GLIS3: variants seen among roughly 807,000 people sequenced by gnomAD.
GLIS3 encodes the protein GLIS family zinc finger 3, also known as zinc finger protein GLIS3.
GLIS3 carries 53 observed loss-of-function variants against 78.6 expected under a neutral mutation model. The observed-to-expected ratio is 0.67, with a 90% CI of 0.54 to 0.85. The LOEUF (loss-of-function observed/expected upper bound fraction) is 0.85, where lower values mean the gene tolerates loss of function less well. GLIS3 is among the 40% of genes least tolerant of loss of function. GLIS3 has a pLI of 0.00. For synonymous variants in GLIS3, 684 were observed against 509.9 expected (o/e 1.34, Z -4.60); for missense variants, 1,703 against 1,231.1 (o/e 1.38, Z -5.74).
rs569160538 is a variant in GLIS3 at position 4,059,524 on chromosome 9, A to ATT, written c.1710+58242_1710+58243dup. Reference sequence around the variant, plus strand: ...CACAAATACCTTAGAGAGAAGTACTATTGGCTTTTCTAGCCTATTCTTGGC... The same window carrying ATT: ...CACAAATACCTTAGAGAGAAGTACTATTTTGGCTTTTCTAGCCTATTCTTGGC... On this transcript the variant is annotated intron_variant, in intron 4 of 10. Coordinates refer to ENST00000381971, the MANE Select transcript of GLIS3 (RefSeq NM_001042413.2). Among the ~76,000 whole-genome samples, 200 of 152,262 alleles carry ATT rather than the reference A, an allele frequency of 1.3e-3. 1 individual carries two copies. Among genetic ancestry groups the ATT allele is most frequent in the African/African-American group, 4.4e-3 (183 of 41,556 alleles).
chr9:4,475,246 T>C, the GLIS3 span, among the ~76,000 whole-genome samples: 2 of 152,108 alleles, frequency 1.3e-5, no homozygotes, highest in African/African-American at 2.4e-5. Context: ...AGGGCTCACA[T>C]AGAGGAAAGA....
At chr9:3,870,658 C>G (rs1318404368) in intron 8 of GLIS3, among the ~76,000 whole-genome samples, 5 of 152,232 alleles carry the variant, frequency 3.3e-5, no homozygotes, top group Non-Finnish European at 7.3e-5. Context: ...GAGACTTATT[C>G]ACTACCATGA....
chr9:4,403,219 C>T, the GLIS3 span, among the ~76,000 whole-genome samples: 1 of 152,134 alleles, frequency 6.6e-6, no homozygotes, highest in Non-Finnish European at 1.5e-5. Flanking sequence ...TGAAAATACC[C>T]TTCAAGCAGT....
intron 4 of GLIS3, among the ~76,000 whole-genome samples, chr9:4,104,518 A>G (rs1181619241): frequency 6.6e-6 from 1 of 152,118 alleles, no homozygotes; most frequent in African/African-American, 2.4e-5. Context: ...CCTTCAATCT[A>G]TTCTCCACAT....
chr9:4,329,256 C>G (rs1041573578), intron 2 of GLIS3, among the ~76,000 whole-genome samples: 2 of 152,154 alleles, frequency 1.3e-5, no homozygotes, highest in African/African-American at 4.8e-5. Flanking sequence ...TGTTGACCAG[C>G]TAGGGGAAAC....
At chr9:3,932,727 A>G (rs1825693298) in intron 5 of GLIS3, 1 of 451,038 alleles carries the variant, frequency 2.2e-6, no homozygotes. Flanking sequence ...TGTGTGCTCT[A>G]ACCACAAAAC....
intron 6 of GLIS3, among the ~76,000 whole-genome samples, chr9:3,905,774 C>T (rs1349041657): frequency 1.3e-5 from 2 of 152,110 alleles, no homozygotes; most frequent in South Asian, 2.1e-4. Context: ...GACAGGATAC[C>T]TCCCTTTACT....
At chr9:4,388,584 G>A in the GLIS3 span, among the ~76,000 whole-genome samples, 2 of 152,154 alleles carry the variant, frequency 1.3e-5, no homozygotes, top group Non-Finnish European at 2.9e-5. Flanking sequence ...GCTGAGGCAG[G>A]AGAATGGCTT....
chr9:4,178,925 T>A (rs1817038202), intron 2 of GLIS3, among the ~76,000 whole-genome samples: 1 of 152,222 alleles, frequency 6.6e-6, no homozygotes, highest in African/African-American at 2.4e-5. Context: ...TTATTTGGGT[T>A]TTATTTTACA....
intron 2 of GLIS3, among the ~76,000 whole-genome samples, chr9:4,236,297 G>A (rs1331008170): frequency 1.3e-5 from 2 of 151,728 alleles, no homozygotes; most frequent in Non-Finnish European, 2.9e-5. Context: ...ATGATCTCAT[G>A]CCCTAAACAT....
intron 4 of GLIS3, among the ~76,000 whole-genome samples, chr9:4,079,888 A>C (rs1481193761): frequency 6.6e-6 from 1 of 152,146 alleles, no homozygotes; most frequent in South Asian, 2.1e-4. Flanking sequence ...CTCAAAATTT[A>C]AAAAAAAGGG....
At chr9:4,212,534 AG>A (rs1390730950) in intron 2 of GLIS3, among the ~76,000 whole-genome samples, 8 of 152,318 alleles carry the variant, frequency 5.3e-5, no homozygotes, top group African/African-American at 1.9e-4. Flanking sequence ...GTGCTACAAC[AG>A]GGGCAGGGAT....
chr9:4,167,251 G>C (rs1488254713), intron 2 of GLIS3, among the ~76,000 whole-genome samples: 1 of 152,136 alleles, frequency 6.6e-6, no homozygotes, highest in Non-Finnish European at 1.5e-5. Context: ...GTATTTCGTT[G>C]GTCAAATTCC....
At chr9:4,234,047 C>A (rs1822501235) in intron 2 of GLIS3, among the ~76,000 whole-genome samples, 1 of 152,198 alleles carries the variant, frequency 6.6e-6, no homozygotes, top group South Asian at 2.1e-4. Flanking sequence ...AGGGCTTAAT[C>A]TGGATTAGGC....
chr9:4,442,788 A>C, the GLIS3 span, among the ~76,000 whole-genome samples: 1 of 152,106 alleles, frequency 6.6e-6, no homozygotes, highest in Non-Finnish European at 1.5e-5. Context: ...GCTTATTTTA[A>C]ACTGAATGGA....
At chr9:4,336,735 C>G (rs1259411751) in intron 2 of GLIS3, among the ~76,000 whole-genome samples, 1 of 152,194 alleles carries the variant, frequency 6.6e-6, no homozygotes, top group Non-Finnish European at 1.5e-5. Flanking sequence ...TGCTCCAGAG[C>G]TCATGTCCCA....
chr9:4,236,869 T>C (rs190094827), intron 2 of GLIS3, among the ~76,000 whole-genome samples: 4 of 152,330 alleles, frequency 2.6e-5, no homozygotes, highest in African/African-American at 7.2e-5. Flanking sequence ...TCCCTTCTGA[T>C]TGGCAGATGC....
the GLIS3 span, among the ~76,000 whole-genome samples, chr9:4,386,978 T>C: frequency 6.6e-6 from 1 of 152,188 alleles, no homozygotes; most frequent in Non-Finnish European, 1.5e-5. Context: ...ACTCTGTCTA[T>C]TGGTGGCAGG....
intron 4 of GLIS3, among the ~76,000 whole-genome samples, chr9:3,995,367 C>A (rs987599632): frequency 1.5e-4 from 23 of 152,080 alleles, no homozygotes; most frequent in Admixed American, 3.3e-4. Context: ...AAGAATGCAT[C>A]TAAACCTAGG....
Sources: gnomAD v4.1 joint callset for allele counts (sites outside exome capture counted in the v4.1 genomes callset) on GRCh38, gnomAD v4.1.1 for gene constraint, MANE v1.5 for transcripts, NCBI Gene and HGNC (gene_info 2026-07-23, HGNC 2026-07-21) for gene names.